TJP1: variants seen among roughly 807,000 people sequenced by gnomAD.
TJP1 encodes the protein tight junction protein ZO-1.
Under a neutral mutation model 194.2 loss-of-function variants are expected in TJP1, and 43 were observed. The observed-to-expected ratio is 0.22, with a 90% CI of 0.17 to 0.29. The LOEUF is 0.29. Among genes scored for constraint, TJP1 ranks in the 10% least tolerant of loss-of-function variants. TJP1 has a pLI of 1.00. For missense variants in TJP1, 1,971 were observed against 2,185.7 expected, an observed-to-expected ratio of 0.90 and a Z score of 1.96; for synonymous variants, 801 against 779.0, an observed-to-expected ratio of 1.03 and a Z score of -0.47.
chr15:29,793,041 C>A (rs1444125717), intron 2 of TJP1, among the ~76,000 whole-genome samples: 1 of 152,162 alleles, frequency 6.6e-6, no homozygotes, highest in Non-Finnish European at 1.5e-5. Flanking sequence ...ATTTAAGATA[C>A]TATTGTCTGC....
chr15:29,699,838 C>T (rs2041434700), downstream of TJP1: 1 of 160,872 alleles, frequency 6.2e-6, no homozygotes. Context: ...CGCACACACA[C>T]AAACGCACGT....
intron 2 of TJP1, among the ~76,000 whole-genome samples, chr15:29,938,745 C>T (rs2054967246): frequency 6.6e-6 from 1 of 152,242 alleles, no homozygotes; most frequent in East Asian, 1.9e-4. Context: ...GATTATCCCA[C>T]TTTCATCTCC....
intron 2 of TJP1, among the ~76,000 whole-genome samples, chr15:29,907,002 A>G (rs1382476260): frequency 6.6e-6 from 1 of 152,254 alleles, no homozygotes; most frequent in East Asian, 1.9e-4. Context: ...AGTATATGGT[A>G]GCAAAATATT....
chr15:29,727,277 G>A lies in TJP1; in HGVS notation c.2101-286C>T, dbSNP rs142134305. 2.1e-3 allele frequency among the ~76,000 whole-genome samples: 314 copies of A among 152,122 alleles called. 1 individual carries two copies. Among genetic ancestry groups the A allele is most frequent in the African/African-American group, 7.2e-3 (298 of 41,486 alleles). On this transcript the variant is annotated intron_variant, in intron 16 of 27. Transcript: ENST00000614355. The stretch of plus-strand genomic sequence containing the variant: ...AAGAATCACTTGAACCTGAGAGGTA[G>A]AGGCTACAGTGAGCCGAGATCACGC...
intron 10 of TJP1, chr15:29,741,038 G>A (rs1052795879): frequency 8.5e-5 from 18 of 212,098 alleles, no homozygotes; most frequent in Non-Finnish European, 1.6e-4. Context: ...CCATTGGAAA[G>A]CTGTGGAAAT....
chr15:29,775,304 C>T (rs1595853411), intron 2 of TJP1, among the ~76,000 whole-genome samples: 1 of 137,946 alleles, frequency 7.2e-6, no homozygotes, highest in Admixed American at 7.8e-5. Context: ...AGAGAGAAGG[C>T]GAAAGTCCTC....
rs539303395 is a variant in TJP1, at chr15:29,894,840, G to T, written c.306+61392C>A. ...CCTGCAAAGATGGCACTGCCTGGGG[G>T]CTGACAAGGTTTACTGACTCTGTCT... On this transcript the variant is annotated intron_variant, in intron 2 of 28. Transcript: ENST00000356107. Among the ~76,000 whole-genome samples the T allele has an allele frequency of 2.2e-4, 34 of 152,342 alleles. No individual in the cohort carries two copies. The East Asian group carries it at 5.6e-3, about 25-fold the overall frequency.
At chr15:29,731,079 C>CCTTTT (rs1472574240) in intron 15 of TJP1, 2 of 596,704 alleles carry the variant, frequency 3.4e-6, no homozygotes, top group Non-Finnish European at 2.9e-6. Flanking sequence ...TTTTGTTTTA[C>CCTTTT]TTTTTTTTTT....
At chr15:29,742,877 A>C in intron 8 of TJP1, 96 bp from the exon 9 acceptor site, 1 of 1,116,050 alleles carries the variant, frequency 9.0e-7, no homozygotes, top group East Asian at 2.8e-5. Context: ...CAACTTCAAA[A>C]ACAATGACAA....
At chr15:29,742,061 A>AAAC (rs141047819) in intron 9 of TJP1, among the ~76,000 whole-genome samples, 4,929 of 152,070 alleles carry the variant, frequency 0.032, 269 homozygotes, top group African/African-American at 0.11. Context: ...CATCTCTCCA[A>AAAC]AACAACAACA....
At chr15:29,787,845 T>TA (rs2047798588) in intron 2 of TJP1, among the ~76,000 whole-genome samples, 1 of 152,218 alleles carries the variant, frequency 6.6e-6, no homozygotes, top group South Asian at 2.1e-4. Context: ...GGTGTATACC[T>TA]ATGAGAGGAA....
At position 29,761,364 on chromosome 15, in the gene TJP1, G is replaced by A. The variant is rs2045997228; in HGVS notation, c.863-78C>T. 5 of 1,521,684 alleles carry A rather than the reference G, an allele frequency of 3.3e-6. No individual in the cohort carries two copies. In the East Asian group the frequency reaches 9.2e-5, roughly 28 times the overall value. The allele number at this position is 1,521,684 out of a possible 1,614,324, so 94.3% of individuals were successfully genotyped here. ...TATAAGGTACTCCAGTAATAATGAA[G>A]ATAAGCTAGTAAGTAAAATTATATA... On this transcript the variant is annotated intron_variant, in intron 7 of 27. Transcript: ENST00000614355.
intron 2 of TJP1, among the ~76,000 whole-genome samples, chr15:29,866,130 T>TTC (rs1477082141): frequency 6.6e-6 from 1 of 152,230 alleles, no homozygotes; most frequent in East Asian, 1.9e-4. Context: ...ATATGGCACC[T>TTC]TCTCCTTTTC....
chr15:29,832,521 A>G (rs1178360146), intron 2 of TJP1, among the ~76,000 whole-genome samples: 1 of 152,238 alleles, frequency 6.6e-6, no homozygotes, highest in Non-Finnish European at 1.5e-5. Flanking sequence ...AACCTATAGA[A>G]GTACTATACA....
intron 2 of TJP1, among the ~76,000 whole-genome samples, chr15:29,944,210 T>C (rs1158731499): frequency 6.6e-6 from 1 of 151,714 alleles, no homozygotes; most frequent in African/African-American, 2.4e-5. Flanking sequence ...CTCCTGCCTC[T>C]GCCTCCCGAC....
intron 1 of TJP1, among the ~76,000 whole-genome samples, chr15:29,820,942 G>A (rs2050290408): frequency 6.6e-6 from 1 of 152,204 alleles, no homozygotes; most frequent in Admixed American, 6.5e-5. Flanking sequence ...CAGAGGCATA[G>A]TATTCCTGCT....
At chr15:29,709,314 G>C (rs1049930428) in intron 24 of TJP1, among the ~76,000 whole-genome samples, 2 of 152,070 alleles carry the variant, frequency 1.3e-5, no homozygotes, top group African/African-American at 4.8e-5. Flanking sequence ...GTGAAAACTA[G>C]AATGCCCAAT....
intron 2 of TJP1, among the ~76,000 whole-genome samples, chr15:29,921,507 T>C (rs1244065193): frequency 6.6e-6 from 1 of 152,148 alleles, no homozygotes; most frequent in East Asian, 1.9e-4. Flanking sequence ...AGCCCCTGCC[T>C]GCAGCAAGCT....
intron 5 of TJP1, among the ~76,000 whole-genome samples, chr15:29,765,131 T>G (rs1277524820): frequency 1.3e-5 from 2 of 152,138 alleles, no homozygotes; most frequent in Non-Finnish European, 2.9e-5. Context: ...GTTAACCATG[T>G]GAAATGATAC....
Sources: allele counts gnomAD v4.1 joint callset (sites outside exome capture counted in the v4.1 genomes callset), GRCh38; gene constraint gnomAD v4.1.1; transcripts MANE v1.5; gene names NCBI Gene and HGNC (gene_info 2026-07-23, HGNC 2026-07-21).